Variants in GRID2 observed in about 807,000 individuals in gnomAD.
GRID2 encodes the protein glutamate ionotropic receptor delta type subunit 2, also known as glutamate receptor ionotropic, delta-2.
GRID2 carries 33 observed loss-of-function variants against 114.8 expected under a neutral mutation model. The observed-to-expected ratio is 0.29, with a 90% CI of 0.22 to 0.38. The LOEUF (loss-of-function observed/expected upper bound fraction) is 0.38. GRID2 is among the 10% of genes least tolerant of loss of function. The pLI is 1.00. For synonymous variants in GRID2, 505 were observed against 449.9 expected, an observed-to-expected ratio of 1.12 and a Z score of -1.55; for missense variants, 1,184 against 1,257.7, an observed-to-expected ratio of 0.94 and a Z score of 0.89.
Position 93,355,558 on chromosome 4 carries a change from G to T in GRID2, c.1246-40049G>T, listed in dbSNP as rs529428672. ...CTCTTTAAGACTACACCTGAAATTG[G>T]CACAGCATCATTTCTGCTATGTCCT... is the stretch of plus-strand genomic sequence containing the variant. On this transcript the variant is annotated intron_variant, in intron 8 of 15. Coordinates refer to ENST00000282020, the MANE Select transcript of GRID2 (RefSeq NM_001510.4). Among the ~76,000 whole-genome samples the T allele has an allele frequency of 5.3e-5, 8 of 152,152 alleles. No individual in the cohort carries two copies. In the South Asian group the frequency reaches 1.5e-3, roughly 28 times the overall value.
At chr4:92,780,148 G>A (rs574016044) in intron 2 of GRID2, among the ~76,000 whole-genome samples, 7 of 152,044 alleles carry the variant, frequency 4.6e-5, no homozygotes, top group Admixed American at 3.9e-4. Context: ...TCTTAGACAC[G>A]CAATTTAGAA....
intron 2 of GRID2, among the ~76,000 whole-genome samples, chr4:92,621,459 G>A (rs959761078): frequency 6.6e-6 from 1 of 151,762 alleles, no homozygotes; most frequent in Non-Finnish European, 1.5e-5. Context: ...GATTATTTTG[G>A]TGTGGTTATT....
chr4:92,782,601 A>G (rs953731977), intron 2 of GRID2, among the ~76,000 whole-genome samples: 2 of 152,172 alleles, frequency 1.3e-5, no homozygotes, highest in Non-Finnish European at 2.9e-5. Flanking sequence ...CATAATTTGG[A>G]AGACTTTAAT....
Position 92,939,516 on chromosome 4 carries a change from C to G in GRID2, c.245-145479C>G, listed in dbSNP as rs371910642. 3.4e-5 allele frequency among the ~76,000 whole-genome samples: 5 copies of G among 146,936 alleles called. 1 individual carries two copies. Among genetic ancestry groups the G allele is most frequent in the Non-Finnish European group, 6.0e-5 (4 of 66,388 alleles). On this transcript the variant is annotated intron_variant, in intron 2 of 15. Transcript: ENST00000282020. ...AAAATTTTCTCCCATTCTGTAGGTT[C>G]CCTGTTCACTCTGATAGTAGTTTCT...
intron 11 of GRID2, among the ~76,000 whole-genome samples, chr4:93,484,933 G>T (rs1464844881): frequency 1.3e-5 from 2 of 151,704 alleles, no homozygotes; most frequent in Admixed American, 6.6e-5. Flanking sequence ...TCATCTAGTG[G>T]GTATGTACCT....
chr4:93,045,187 C>G (rs1726012430), intron 2 of GRID2, among the ~76,000 whole-genome samples: 1 of 152,034 alleles, frequency 6.6e-6, no homozygotes, highest in Non-Finnish European at 1.5e-5. Flanking sequence ...ATAGATATCT[C>G]ATAATTCAAA....
intron 13 of GRID2, among the ~76,000 whole-genome samples, chr4:93,572,853 T>G (rs1736057958): frequency 6.6e-6 from 1 of 152,134 alleles, no homozygotes; most frequent in Non-Finnish European, 1.5e-5. Context: ...CTGCAGCACA[T>G]GCTTTTACTA....
intron 12 of GRID2, among the ~76,000 whole-genome samples, chr4:93,501,906 G>A (rs1307933710): frequency 6.6e-6 from 1 of 151,984 alleles, no homozygotes; most frequent in Non-Finnish European, 1.5e-5. Context: ...CCTATTAAGT[G>A]CTGTGCTCAA....
At chr4:92,872,362 T>A (rs757706644) in intron 2 of GRID2, among the ~76,000 whole-genome samples, 1 of 152,106 alleles carries the variant, frequency 6.6e-6, no homozygotes, top group Non-Finnish European at 1.5e-5. Context: ...AAAAGGAAAC[T>A]AGCAATATGA....
chr4:93,491,733 T>G (rs1198393164), intron 12 of GRID2, among the ~76,000 whole-genome samples: 1 of 151,874 alleles, frequency 6.6e-6, no homozygotes, highest in Non-Finnish European at 1.5e-5. Flanking sequence ...AAAGAAAATC[T>G]GGGTAGTTAT....
intron 4 of GRID2, among the ~76,000 whole-genome samples, chr4:93,161,926 T>C (rs911240333): frequency 1.3e-5 from 2 of 151,882 alleles, no homozygotes; most frequent in Admixed American, 6.6e-5. Flanking sequence ...TCTGCTGGAA[T>C]TTAATTTTTA....
intron 2 of GRID2, among the ~76,000 whole-genome samples, chr4:92,925,341 C>A (rs1170957152): frequency 6.6e-6 from 1 of 151,962 alleles, no homozygotes; most frequent in East Asian, 1.9e-4. Flanking sequence ...TCACTCATGT[C>A]AAGAAACATT....
At chr4:92,603,375 A>T (rs1207020837) in intron 2 of GRID2, among the ~76,000 whole-genome samples, 7 of 152,032 alleles carry the variant, frequency 4.6e-5, no homozygotes, top group South Asian at 4.1e-4. Flanking sequence ...CACAACAGAG[A>T]TCTCAGAAAT....
chr4:93,399,484 A>G (rs1765672306), intron 9 of GRID2, among the ~76,000 whole-genome samples: 2 of 152,122 alleles, frequency 1.3e-5, no homozygotes, highest in African/African-American at 4.8e-5. Flanking sequence ...GAAGAGTTAA[A>G]TAGAGGTATT....
chr4:92,475,546 T>C (rs1722264251), intron 1 of GRID2, among the ~76,000 whole-genome samples: 1 of 151,940 alleles, frequency 6.6e-6, no homozygotes, highest in African/African-American at 2.4e-5. Context: ...TGATTTTAAG[T>C]CAATACCATG....
chr4:93,028,645 T>C (rs1724109723), intron 2 of GRID2, among the ~76,000 whole-genome samples: 1 of 152,084 alleles, frequency 6.6e-6, no homozygotes, highest in Non-Finnish European at 1.5e-5. Context: ...CATTAGATCA[T>C]GTGTAATGAT....
intron 13 of GRID2, among the ~76,000 whole-genome samples, chr4:93,625,918 A>AAAAACAAAAC (rs70942980): frequency 1.4e-5 from 2 of 143,014 alleles, no homozygotes; most frequent in Non-Finnish European, 1.5e-5. Flanking sequence ...CCGTCTCAGA[A>AAAAACAAAAC]AAAACAAAAC....
chr4:92,795,205 G>C (rs540424517), intron 2 of GRID2, among the ~76,000 whole-genome samples: 1 of 151,636 alleles, frequency 6.6e-6, no homozygotes, highest in African/African-American at 2.4e-5. Context: ...ATCTCAACTC[G>C]AATTATATCT....
intron 2 of GRID2, among the ~76,000 whole-genome samples, chr4:92,951,312 T>G (rs1157528754): frequency 6.6e-6 from 1 of 151,772 alleles, no homozygotes; most frequent in Non-Finnish European, 1.5e-5. Flanking sequence ...ATAAAATTGT[T>G]CTCCAAAAAT....
Sources: allele counts gnomAD v4.1 joint callset (sites outside exome capture counted in the v4.1 genomes callset), GRCh38; gene constraint gnomAD v4.1.1; transcripts MANE v1.5; gene names NCBI Gene and HGNC (gene_info 2026-07-23, HGNC 2026-07-21).